Variants in GASK1B observed in about 807,000 individuals in gnomAD.
GASK1B encodes the protein golgi associated kinase 1B.
In GASK1B, 34 loss-of-function variants were observed where a neutral mutation model predicts 42.8. The observed-to-expected ratio is 0.79, with a 90% CI of 0.60 to 1.06. The LOEUF is 1.06. GASK1B is among the 50% of genes least tolerant of loss of function. The pLI, the probability that GASK1B is intolerant of heterozygous loss-of-function variation, is 0.00. For missense variants in GASK1B, 686 were observed against 661.0 expected (o/e 1.04, Z -0.42); for synonymous variants, 262 against 259.1 (o/e 1.01, Z -0.11).
Position 158,155,847 on chromosome 4 carries a change from C to T in GASK1B, c.911-22G>A, listed in dbSNP as rs751457008. ...CCATCTATAGAATCAGAAAAACAAACACACTTTCAGCACACTATTGACTCA... is the reference window on the plus strand; with the variant it reads ...CCATCTATAGAATCAGAAAAACAAATACACTTTCAGCACACTATTGACTCA... On this transcript the variant is annotated intron_variant, in intron 2 of 4. Coordinates refer to ENST00000585682, the MANE Select transcript of GASK1B (RefSeq NM_001128424.2). 44 of 1,607,518 alleles carry T rather than the reference C, an allele frequency of 2.7e-5. No homozygotes were observed. The East Asian group carries it at 9.8e-4, about 36-fold the overall frequency.
chr4:158,143,561 A>C (rs1173593068), intron 3 of GASK1B, among the ~76,000 whole-genome samples: 1 of 152,190 alleles, frequency 6.6e-6, no homozygotes, highest in Non-Finnish European at 1.5e-5. Context: ...ACATTAATAG[A>C]AATGAAAAGG....
intron 4 of GASK1B, among the ~76,000 whole-genome samples, chr4:158,130,354 T>G (rs374491305): frequency 5.3e-4 from 81 of 152,310 alleles, no homozygotes; most frequent in African/African-American, 1.9e-3. Context: ...CTTGAGTTCA[T>G]TATGAATTTA....
At chr4:158,160,722 G>A (rs1731942491) in intron 2 of GASK1B, among the ~76,000 whole-genome samples, 1 of 152,064 alleles carries the variant, frequency 6.6e-6, no homozygotes, top group Non-Finnish European at 1.5e-5. Flanking sequence ...ATCAGAAAAT[G>A]GATAAGAAAA....
At chr4:158,155,373 T>C (rs1048021146) in intron 3 of GASK1B, among the ~76,000 whole-genome samples, 4 of 152,192 alleles carry the variant, frequency 2.6e-5, no homozygotes, top group Non-Finnish European at 5.9e-5. Flanking sequence ...GTTAAGAGTC[T>C]GGTACCTCTT....
intron 3 of GASK1B, among the ~76,000 whole-genome samples, chr4:158,134,536 C>T (rs1730807083): frequency 6.6e-6 from 1 of 152,126 alleles, no homozygotes; most frequent in Non-Finnish European, 1.5e-5. Context: ...TTTTCCAAAA[C>T]TAATCTTCTG....
At position 158,130,909 on chromosome 4, in the gene GASK1B, G is replaced by A. The variant is rs141301679; in HGVS notation, c.1229C>T (p.Ala410Val). ...TCGCTGGATAATGTGTGCTAGAGCCGCAGAACCTTGGTCATCACATTTTGG... is the reference window on the plus strand; with the variant it reads ...TCGCTGGATAATGTGTGCTAGAGCCACAGAACCTTGGTCATCACATTTTGG... ...LRPKCDDQGS[A>V]ALAHIIQRKH... Residue 410 changes from alanine to valine, a missense_variant, in exon 4 of 5, where the codon GCG (alanine) becomes GTG (valine). Coordinates refer to ENST00000585682, the MANE Select transcript of GASK1B (RefSeq NM_001128424.2). The A allele has an allele frequency of 1.9e-4, 309 of 1,614,022 alleles. No individual in the cohort carries two copies. The highest frequency in any genetic ancestry group is 5.3e-4 in the African/African-American group (40 of 75,024).
chr4:158,135,959 T>G (rs2110940631), intron 3 of GASK1B, among the ~76,000 whole-genome samples: 1 of 152,280 alleles, frequency 6.6e-6, no homozygotes, highest in African/African-American at 2.4e-5. Context: ...ACTATTGTTT[T>G]GTTTAAAAAA....
chr4:158,149,873 T>C (rs1356510603), intron 3 of GASK1B, among the ~76,000 whole-genome samples: 3 of 151,300 alleles, frequency 2.0e-5, no homozygotes, highest in Non-Finnish European at 4.4e-5. Context: ...TAGATAACTG[T>C]TGAGAGACAA....
chr4:158,171,420 T>C lies in GASK1B; in HGVS notation c.-45A>G. 2 of 1,512,048 alleles carry C rather than the reference T, an allele frequency of 1.3e-6. No individual in the cohort carries two copies. Among genetic ancestry groups the C allele is most frequent in the East Asian group, 2.3e-5 (1 of 43,754 alleles). The allele number at this position is 1,512,048 out of a possible 1,614,324, so 93.7% of individuals were successfully genotyped here. ...GTTGAACGGAGTTTAAAGTCTGCAG[T>C]TGGCTCCTGCTAATGTGATGCATGG... On this transcript the variant is annotated 5_prime_UTR_variant, in exon 2 of 5. Transcript: ENST00000585682.
At chr4:158,169,265 T>C (rs1294283349) in intron 2 of GASK1B, 1 of 152,220 alleles carries the variant, frequency 6.6e-6, no homozygotes, top group East Asian at 1.9e-4. Context: ...GAAGGTTTCT[T>C]ACATTGGCAT....
intron 2 of GASK1B, 33 bp downstream of exon 2, chr4:158,170,433 A>G (rs1451715976): frequency 6.2e-7 from 1 of 1,614,226 alleles, no homozygotes; most frequent in Non-Finnish European, 8.5e-7. Flanking sequence ...AATCCCCAAC[A>G]GCTGCAAATA....
chr4:158,149,308 T>C (rs981950212), intron 3 of GASK1B, among the ~76,000 whole-genome samples: 2 of 152,376 alleles, frequency 1.3e-5, no homozygotes, highest in South Asian at 4.1e-4. Context: ...ACAGTGAGGA[T>C]AATCACATTG....
At chr4:158,166,944 A>C (rs1383398938) in intron 2 of GASK1B, among the ~76,000 whole-genome samples, 2 of 152,164 alleles carry the variant, frequency 1.3e-5, no homozygotes, top group African/African-American at 2.4e-5. Context: ...TTTGCTGGAC[A>C]ACTAACTCAT....
At chr4:158,135,875 G>A (rs1730869840) in intron 3 of GASK1B, among the ~76,000 whole-genome samples, 2 of 152,082 alleles carry the variant, frequency 1.3e-5, no homozygotes, top group African/African-American at 4.8e-5. Context: ...ACCAGGCAAA[G>A]GCATGGAGGT....
At chr4:158,171,684 C>G (rs577962581) in intron 1 of GASK1B, 85 bp from the exon 2 acceptor site, 41 of 252,510 alleles carry the variant, frequency 1.6e-4, no homozygotes, top group African/African-American at 8.0e-4. Flanking sequence ...AAAAAGTAAT[C>G]ATTTCCTTTC....
intron 3 of GASK1B, among the ~76,000 whole-genome samples, chr4:158,132,508 C>T (rs1462402980): frequency 6.6e-6 from 1 of 152,190 alleles, no homozygotes; most frequent in African/African-American, 2.4e-5. Context: ...TTACCACTTC[C>T]AATGGAAAAT....
At position 158,159,018 on chromosome 4, in the gene GASK1B, A is replaced by T. The variant is rs1310278374; in HGVS notation, c.911-3193T>A. Reference sequence around the variant, plus strand: ...GATCACCAAATTTTTGGAATGATACATTTTCTATACTAATCATTAAAAAGG... The same window carrying T: ...GATCACCAAATTTTTGGAATGATACTTTTTCTATACTAATCATTAAAAAGG... On this transcript the variant is annotated intron_variant, in intron 2 of 4. Transcript: ENST00000585682. Among the ~76,000 whole-genome samples the T allele has an allele frequency of 2.6e-5, 4 of 152,112 alleles. No homozygotes were observed. The East Asian group carries it at 7.7e-4, about 29-fold the overall frequency.
At position 158,127,544 on chromosome 4, in the gene GASK1B, G is replaced by C. The variant is rs753158894; in HGVS notation, c.1423C>G (p.Leu475Val). 6.2e-7 allele frequency: 1 copy of C among 1,613,632 alleles called. No individual in the cohort carries two copies. Among genetic ancestry groups the C allele is most frequent in the Non-Finnish European group, 8.5e-7 (1 of 1,179,770 alleles). ...TGACTTTCCCAATACACTTTATCAA[G>C]AAACAGAGACTGAAGAAGTTTCTGC... ...LRQKLLQSLF[L>V]DKVYWESQGG... Residue 475 changes from leucine to valine, a missense_variant, in exon 5 of 5, where the codon CTT becomes GTT. By Grantham distance (32) the Leu-to-Val change is conservative. Transcript: ENST00000585682.
intron 2 of GASK1B, 187 bp downstream of exon 2, chr4:158,170,279 C>T (rs1214534034): frequency 1.9e-6 from 3 of 1,614,260 alleles, no homozygotes; most frequent in Non-Finnish European, 2.5e-6. Flanking sequence ...TTCCCTGGAA[C>T]TCTCATATCC....
Sources: allele counts gnomAD v4.1 joint callset (sites outside exome capture counted in the v4.1 genomes callset), GRCh38; gene constraint gnomAD v4.1.1; transcripts MANE v1.5; gene names NCBI Gene and HGNC (gene_info 2026-07-23, HGNC 2026-07-21).